Variants in GPC1 observed in about 807,000 individuals in gnomAD.
GPC1 encodes the protein glypican-1.
GPC1 carries 26 observed loss-of-function variants against 51.5 expected under a neutral mutation model. That is an observed-to-expected ratio of 0.50 (90% CI 0.37 to 0.70). GPC1 has a LOEUF of 0.70. Among genes scored for constraint, GPC1 ranks in the 30% least tolerant of loss-of-function variants. The probability of loss-of-function intolerance (pLI) is 0.00; values close to 1 mark genes in which losing one functional copy is unlikely to be tolerated. For missense variants in GPC1, 775 were observed against 800.5 expected, an observed-to-expected ratio of 0.97 and a Z score of 0.38; for synonymous variants, 380 against 348.3, an observed-to-expected ratio of 1.09 and a Z score of -1.01.
At chr2:240,450,472 C>T in intron 1 of GPC1, 1 of 404,980 alleles carries the variant, frequency 2.5e-6, no homozygotes, top group African/African-American at 2.2e-5. Flanking sequence ...CTTTAGCTCT[C>T]TATGTGTCAG....
intron 1 of GPC1, chr2:240,451,857 C>T (rs1559197405): frequency 2.6e-5 from 4 of 153,410 alleles, no homozygotes; most frequent in South Asian, 2.1e-4. Context: ...CCAGACCTGG[C>T]GTCTGCCGGC....
In GPC1 at chr2:240,462,344, A is replaced by C; in HGVS notation, c.479A>C (p.Glu160Ala). Residue 160 changes from glutamate (E) to alanine (A), a missense_variant, in exon 3 of 9, where the codon GAG becomes GCG. Transcript: ENST00000264039. ...LYYRGANLHL[E>A]ETLAEFWARL... ...TACCGCGGTGCCAACCTGCACCTGG[A>C]GGAGACGCTGGCCGAGTTCTGGGCC... 6.2e-7 allele frequency: 1 copy of C among 1,600,934 alleles called. No individual in the cohort carries two copies. Among genetic ancestry groups the C allele is most frequent in the African/African-American group, 1.3e-5 (1 of 74,690 alleles).
rs977708431 is a variant in GPC1 at position 240,450,168 on chromosome 2, G to A, written c.167-8862G>A. 6 of 339,224 alleles carry A rather than the reference G, an allele frequency of 1.8e-5. No homozygotes were observed. The Admixed American group carries it at 2.4e-4, about 14-fold the overall frequency. 21.0% of individuals were successfully genotyped at this position (339,224 alleles called of 1,614,324 possible). On this transcript the variant is annotated intron_variant, in intron 1 of 8. Transcript: ENST00000264039. The stretch of plus-strand genomic sequence containing the variant: ...TCCCCTAATTGTGGCTGTGGGGCAG[G>A]GCTGGGCAGAAGCTCCAGCCCACAC...
intron 1 of GPC1, among the ~76,000 whole-genome samples, chr2:240,453,640 C>T (rs2074127040): frequency 6.8e-6 from 1 of 147,818 alleles, no homozygotes; most frequent in South Asian, 2.1e-4. Context: ...GCAGCCCCCT[C>T]TCCCCGCCCG....
chr2:240,446,496 C>T (rs948922186), intron 1 of GPC1, among the ~76,000 whole-genome samples: 63 of 152,226 alleles, frequency 4.1e-4, no homozygotes, highest in African/African-American at 1.5e-3. Context: ...GGAATCTAGG[C>T]ATCTGCATGT....
At chr2:240,452,326 G>A (rs1233628839) in intron 1 of GPC1, 1 of 152,744 alleles carries the variant, frequency 6.5e-6, no homozygotes, top group East Asian at 1.9e-4. Flanking sequence ...ATAGGGGCAG[G>A]GGGGTCTGGA....
intron 6 of GPC1, 50 bp downstream of exon 6, chr2:240,465,025 G>T (rs769397600): frequency 1.6e-4 from 251 of 1,576,558 alleles, no homozygotes; most frequent in Non-Finnish European, 2.1e-4. Context: ...GAGGCAGACA[G>T]GCAGAGGCGG....
Position 240,465,655 on chromosome 2 carries a change from G to A in GPC1, c.1444+7G>A, listed in dbSNP as rs749129826. 2 of 1,611,584 alleles carry A rather than the reference G, an allele frequency of 1.2e-6. No individual in the cohort carries two copies. The highest frequency in any genetic ancestry group is 1.7e-6 in the Non-Finnish European group (2 of 1,179,184). ...GTGGACTTCCAGGACGCCAGTGAGG[G>A]CAGGGCCTGGCCGGGCGGCCAAGGG... is the stretch of plus-strand genomic sequence containing the variant. On this transcript the variant is annotated splice_region_variant and intron_variant, in intron 8 of 8. Coordinates refer to ENST00000264039, the MANE Select transcript of GPC1 (RefSeq NM_002081.3).
At chr2:240,456,528 G>A (rs542007024) in intron 1 of GPC1, 27 of 454,030 alleles carry the variant, frequency 5.9e-5, no homozygotes, top group South Asian at 3.4e-4. Flanking sequence ...GTGTGTCACC[G>A]GGAAGCTCAG....
chr2:240,439,842 C>T lies in GPC1; in HGVS notation c.166+3758C>T, dbSNP rs898785569. ...CCTCAGCCTTTGCTGTGTCGCTGCT[C>T]TTCCCTCCATGAGAGGAGCTCATCA... On this transcript the variant is annotated intron_variant, in intron 1 of 8. Transcript: ENST00000264039. Among the ~76,000 whole-genome samples the T allele has an allele frequency of 5.3e-5, 8 of 152,348 alleles. No individual in the cohort carries two copies. In the East Asian group the frequency reaches 1.5e-3, roughly 29 times the overall value.
rs186745095 is a variant in GPC1 at position 240,447,675 on chromosome 2, C to T, written c.167-11355C>T. 6.3e-3 allele frequency among the ~76,000 whole-genome samples: 954 copies of T among 152,340 alleles called. 10 individuals are homozygous for T. Among genetic ancestry groups the T allele is most frequent in the Non-Finnish European group, 0.01 (711 of 68,016 alleles). On this transcript the variant is annotated intron_variant, in intron 1 of 8. Transcript: ENST00000264039. ...GCTGGGGGTCAAAGGGGGTCAAGGGCCGGCTCCACACCGGCTGTGTGCCCC... is the reference window on the plus strand; with the variant it reads ...GCTGGGGGTCAAAGGGGGTCAAGGGTCGGCTCCACACCGGCTGTGTGCCCC...
rs1327155736 is a variant in GPC1 at position 240,457,600 on chromosome 2, G to T, written c.167-1430G>T. ...CACTGCCTGCGCTGCTCCAGGCCCT[G>T]CCTGCAGTGGGGCTACAGATCCCTG... On this transcript the variant is annotated intron_variant, in intron 1 of 8. Transcript: ENST00000264039. The T allele has an allele frequency of 1.5e-5, 6 of 395,780 alleles. No homozygotes were observed. In the East Asian group the frequency reaches 4.5e-4, roughly 30 times the overall value. 24.5% of individuals were successfully genotyped at this position (395,780 alleles called of 1,614,324 possible). A position where few individuals can be genotyped will look rare whatever the true frequency, so the allele number is the denominator to read the frequency against.
At chr2:240,457,545 G>A (rs746742950) in intron 1 of GPC1, 9 of 452,618 alleles carry the variant, frequency 2.0e-5, no homozygotes, top group Non-Finnish European at 4.2e-5. Flanking sequence ...AGGCCTGAGG[G>A]GTGACTTCTC....
intron 1 of GPC1, among the ~76,000 whole-genome samples, chr2:240,454,421 G>A (rs2074136672): frequency 6.6e-6 from 1 of 152,178 alleles, no homozygotes; most frequent in South Asian, 2.1e-4. Context: ...GGGTCCGAGA[G>A]CAGATGGGCC....
intron 1 of GPC1, among the ~76,000 whole-genome samples, chr2:240,445,964 G>A (rs2074047555): frequency 6.6e-6 from 1 of 152,252 alleles, no homozygotes; most frequent in Non-Finnish European, 1.5e-5. Flanking sequence ...TAACTGCTGT[G>A]TGATGAGTGC....
At chr2:240,445,985 G>A (rs1456033328) in intron 1 of GPC1, among the ~76,000 whole-genome samples, 2 of 152,372 alleles carry the variant, frequency 1.3e-5, no homozygotes, top group South Asian at 2.1e-4. Context: ...TTCCTCCATG[G>A]TCCTCTGTGT....
Position 240,436,019 on chromosome 2 carries a change from A to T in GPC1, c.101A>T (p.Glu34Val). Residue 34 changes from glutamate (E) to valine (V), a missense_variant, in exon 1 of 9, where the codon GAG becomes GTG. Transcript: ENST00000264039. ...GCCAGCAAGAGCCGGAGCTGCGGCG[A>T]GGTCCGCCAGATCTACGGAGCCAAG... Reference protein sequence around the residue: ...DPASKSRSCGEVRQIYGAKGF... With the variant: ...DPASKSRSCGVVRQIYGAKGF... The T allele has an allele frequency of 3.6e-6, 5 of 1,385,568 alleles. No individual in the cohort carries two copies. Among genetic ancestry groups the T allele is most frequent in the Non-Finnish European group, 4.7e-6 (5 of 1,066,944 alleles). 85.8% of individuals were successfully genotyped at this position (1,385,568 alleles called of 1,614,324 possible). A position where few individuals can be genotyped will look rare whatever the true frequency, so the allele number is the denominator to read the frequency against.
At chr2:240,463,717 C>T (rs2151796801) in intron 4 of GPC1, 1 of 577,178 alleles carries the variant, frequency 1.7e-6, no homozygotes, top group East Asian at 2.9e-5. Flanking sequence ...TGACTTGGGG[C>T]AGCTGCCAGG....
At chr2:240,450,536 C>G (rs573426401) in intron 1 of GPC1, 86 of 461,832 alleles carry the variant, frequency 1.9e-4, no homozygotes, top group Non-Finnish European at 3.6e-4. Context: ...CGGCTTAACC[C>G]CCTGCGAGGC....
Sources: gnomAD v4.1 joint callset for allele counts (sites outside exome capture counted in the v4.1 genomes callset) on GRCh38, gnomAD v4.1.1 for gene constraint, MANE v1.5 for transcripts, NCBI Gene and HGNC (gene_info 2026-07-23, HGNC 2026-07-21) for gene names.